The following CCDC170 variants were observed in gnomAD, a reference collection of about 807,000 sequenced individuals.
CCDC170 encodes the protein coiled-coil domain-containing protein 170.
CCDC170 carries 69 observed loss-of-function variants against 72.6 expected under a neutral mutation model. The observed-to-expected ratio is 0.95, with a 90% CI of 0.78 to 1.16. CCDC170 has a LOEUF of 1.16. CCDC170 is among the 50% of genes most tolerant of loss of function. The pLI is 0.00. For synonymous variants in CCDC170, 300 were observed against 303.9 expected, an observed-to-expected ratio of 0.99 and a Z score of 0.13; for missense variants, 852 against 832.5, an observed-to-expected ratio of 1.02 and a Z score of -0.29.
chr6:151,561,065 AT>A (rs554918665), intron 5 of CCDC170, among the ~76,000 whole-genome samples: 15 of 151,036 alleles, frequency 9.9e-5, no homozygotes, highest in East Asian at 1.9e-4. Context: ...TATCTAGTAA[AT>A]TTTTTTTTAA....
intron 1 of CCDC170, among the ~76,000 whole-genome samples, chr6:151,517,074 G>A (rs1199868945): frequency 1.3e-5 from 2 of 152,144 alleles, no homozygotes; most frequent in African/African-American, 2.4e-5. Context: ...AGTGGCTCAC[G>A]CCTATAATCC....
At chr6:151,565,169 G>T (rs1051980822) in intron 5 of CCDC170, among the ~76,000 whole-genome samples, 1 of 152,216 alleles carries the variant, frequency 6.6e-6, no homozygotes, top group African/African-American at 2.4e-5. Flanking sequence ...GTGGGGTATG[G>T]CAGTGGGGCT....
At position 151,548,466 on chromosome 6, in the gene CCDC170, G is replaced by GAAGAGA; in HGVS notation, c.759_764dup (p.Glu254_Lys255dup). 6.3e-7 allele frequency: 1 copy of GAAGAGA among 1,579,020 alleles called. No individual in the cohort carries two copies. Among genetic ancestry groups the GAAGAGA allele is most frequent in the Non-Finnish European group, 8.6e-7 (1 of 1,164,572 alleles). ...GCAGAAAAAAGCTGCCTCCTGTACT[G>GAAGAGA]AAGAGAAAGAGAAGCTGAACCAGGT... On this transcript the variant is annotated inframe_insertion, in exon 5 of 11. Transcript: ENST00000239374.
At chr6:151,540,612 C>T (rs1782673502) in intron 3 of CCDC170, among the ~76,000 whole-genome samples, 1 of 151,778 alleles carries the variant, frequency 6.6e-6, no homozygotes, top group Admixed American at 6.6e-5. Flanking sequence ...GTCTCAGACT[C>T]CTGGCTTCAA....
At position 151,554,948 on chromosome 6, in the gene CCDC170, G is replaced by A. The variant is rs1282988755; in HGVS notation, c.774+6459G>A. 2.9e-5 allele frequency among the ~76,000 whole-genome samples: 4 copies of A among 136,808 alleles called. No individual in the cohort carries two copies. The South Asian group carries it at 7.3e-4, about 25-fold the overall frequency. The allele number at this position is 136,808 out of a possible 152,430, so 89.8% of individuals were successfully genotyped here. On this transcript the variant is annotated intron_variant, in intron 5 of 10. Coordinates refer to ENST00000239374, the MANE Select transcript of CCDC170 (RefSeq NM_025059.4). ...GGCTGGAGTGCAGTGGTGTGACCTC[G>A]GCTCACTGTAACCTCTGCCTCCTGG... is the stretch of plus-strand genomic sequence containing the variant.
In CCDC170 at chr6:151,618,069, T is replaced by A; in HGVS notation, c.2070T>A (p.Phe690Leu). ...ERLVHSHQHH[F>L]VTCACLKDVT... ...TGGTCCATTCACATCAGCATCACTT[T>A]GTTACCTGTGCCTGCCTCAAAGATG... The change falls in exon 11 of 11, where the codon TTT becomes TTA. Residue 690 changes from phenylalanine to leucine, a missense_variant. Phe to Leu is a conservative substitution (Grantham distance 22). Coordinates refer to ENST00000239374, the MANE Select transcript of CCDC170 (RefSeq NM_025059.4). 6.2e-7 allele frequency: 1 copy of A among 1,614,168 alleles called. No homozygotes were observed. The highest frequency in any genetic ancestry group is 8.5e-7 in the Non-Finnish European group (1 of 1,180,028).
intron 1 of CCDC170, among the ~76,000 whole-genome samples, chr6:151,534,986 C>T (rs1782553556): frequency 6.6e-6 from 1 of 152,144 alleles, no homozygotes; most frequent in African/African-American, 2.4e-5. Context: ...CTTGGAAACT[C>T]CATAGAGGTG....
intron 8 of CCDC170, among the ~76,000 whole-genome samples, chr6:151,595,498 C>T (rs1776607874): frequency 6.6e-6 from 1 of 152,104 alleles, no homozygotes. Flanking sequence ...TAAAAATCTC[C>T]TTGGTATATC....
intron 5 of CCDC170, among the ~76,000 whole-genome samples, chr6:151,572,519 A>G (rs1024146602): frequency 4.6e-5 from 7 of 152,128 alleles, no homozygotes; most frequent in African/African-American, 1.7e-4. Context: ...TATGGACTGA[A>G]TCTACTAATA....
intron 1 of CCDC170, among the ~76,000 whole-genome samples, chr6:151,532,122 A>G (rs929520520): frequency 2.0e-5 from 3 of 151,996 alleles, no homozygotes; most frequent in Admixed American, 6.6e-5. Context: ...TTTACAAATG[A>G]TTTGCATGTT....
intron 1 of CCDC170, among the ~76,000 whole-genome samples, chr6:151,535,189 CTG>C (rs1016764244): frequency 2.6e-5 from 4 of 152,156 alleles, no homozygotes; most frequent in Non-Finnish European, 5.9e-5. Flanking sequence ...CCTGCAAAAA[CTG>C]GGAATTTACA....
At chr6:151,612,029 G>A (rs996299353) in intron 9 of CCDC170, among the ~76,000 whole-genome samples, 3 of 152,130 alleles carry the variant, frequency 2.0e-5, no homozygotes, top group Non-Finnish European at 4.4e-5. Flanking sequence ...TCTAGTTTAT[G>A]AGTTCAGCAG....
intron 8 of CCDC170, 40 bp downstream of exon 8, chr6:151,593,320 T>C (rs2115115427): frequency 6.3e-7 from 1 of 1,589,476 alleles, no homozygotes; most frequent in East Asian, 2.3e-5. Flanking sequence ...AGAGAAGAAA[T>C]TTCTGAAAAA....
chr6:151,526,378 C>T (rs577794258), intron 1 of CCDC170, among the ~76,000 whole-genome samples: 7 of 151,844 alleles, frequency 4.6e-5, no homozygotes, highest in African/African-American at 1.2e-4. Context: ...TGCGCTACCA[C>T]GCCCAGCTAA....
At chr6:151,563,260 C>T (rs1273500376) in intron 5 of CCDC170, among the ~76,000 whole-genome samples, 1 of 152,196 alleles carries the variant, frequency 6.6e-6, no homozygotes, top group African/African-American at 2.4e-5. Flanking sequence ...TGTTCACTGG[C>T]CCCTAGTGGG....
intron 5 of CCDC170, among the ~76,000 whole-genome samples, chr6:151,558,309 G>T (rs1315375999): frequency 7.1e-6 from 1 of 140,124 alleles, no homozygotes; most frequent in Non-Finnish European, 1.5e-5. Context: ...TCCCTTGTTG[G>T]ATAAATAGTT....
chr6:151,521,025 C>T (rs1782307288), intron 1 of CCDC170, among the ~76,000 whole-genome samples: 1 of 152,118 alleles, frequency 6.6e-6, no homozygotes, highest in Admixed American at 6.6e-5. Context: ...CAAGGTGAAC[C>T]CATTGGGTGG....
At chr6:151,536,284 C>A (rs1181792613) in intron 1 of CCDC170, 34 bp from the exon 2 acceptor site, 2 of 1,610,604 alleles carry the variant, frequency 1.2e-6, no homozygotes, top group Non-Finnish European at 1.7e-6. Flanking sequence ...TAACACTCTT[C>A]TTTATATTTT....
rs59201906 is a variant in CCDC170, at chr6:151,497,952, C to CAAAAAA, written c.57+3785_57+3790dup. On this transcript the variant is annotated intron_variant, in intron 1 of 10. Transcript: ENST00000239374. ...GATTGTGCCACTGAACACACCATCTCAAAAAAAAAAAAAAAAAAAAAAAGA... is the reference window on the plus strand; with the variant it reads ...GATTGTGCCACTGAACACACCATCTCAAAAAAAAAAAAAAAAAAAAAAAAAAAAAGA... 6.8e-3 allele frequency among the ~76,000 whole-genome samples: 389 copies of CAAAAAA among 57,280 alleles called. 1 individual carries two copies. The highest frequency in any genetic ancestry group is 9.8e-3 in the East Asian group (17 of 1,726). 37.6% of individuals were successfully genotyped at this position (57,280 alleles called of 152,430 possible). A position where few individuals can be genotyped will look rare whatever the true frequency, so the allele number is the denominator to read the frequency against.
Sources: gnomAD v4.1 joint callset for allele counts (sites outside exome capture counted in the v4.1 genomes callset) on GRCh38, gnomAD v4.1.1 for gene constraint, MANE v1.5 for transcripts, NCBI Gene and HGNC (gene_info 2026-07-23, HGNC 2026-07-21) for gene names.